Variants in ATG2A observed in about 807,000 individuals in gnomAD.
ATG2A encodes autophagy-related protein 2 homolog A.
In ATG2A, 103 loss-of-function variants were observed where a neutral mutation model predicts 214.2. That is an observed-to-expected ratio of 0.48 (90% CI 0.41 to 0.57). The LOEUF is 0.57. ATG2A is among the 20% of genes least tolerant of loss of function. ATG2A has a pLI of 0.00. For synonymous variants in ATG2A, 1,160 were observed against 1,142.1 expected, an observed-to-expected ratio of 1.02 and a Z score of -0.32; for missense variants, 2,312 against 2,613.2, an observed-to-expected ratio of 0.88 and a Z score of 2.51.
intron 26 of ATG2A, 86 bp from the exon 27 acceptor site, chr11:64,902,766 A>G (rs988106180): frequency 7.3e-5 from 93 of 1,279,996 alleles, no homozygotes; most frequent in Non-Finnish European, 2.0e-5. Flanking sequence ...AGGGCACCGC[A>G]GTTCTGATCC....
In ATG2A at chr11:64,905,750, C is replaced by T. The variant is rs772716714; in HGVS notation, c.3363G>A (p.Val1121=). Residue 1121 remains valine, a synonymous_variant, in exon 23 of 41, where the codon GTG becomes GTA. Transcript: ENST00000377264. ...ILHTHLFSCS[V]DYRPLYLPVR... The stretch of plus-strand genomic sequence containing the variant: ...CCCACCCAGCCTGGTACCTATAGTC[C>T]ACAGAGCAGGAGAACAGGTGTGTGT... 6 of 1,613,860 alleles carry T rather than the reference C, an allele frequency of 3.7e-6. No homozygotes were observed. The highest frequency in any genetic ancestry group is 3.3e-5 in the Admixed American group (2 of 60,004).
intron 31 of ATG2A, among the ~76,000 whole-genome samples, chr11:64,899,345 C>T (rs375725034): frequency 6.6e-6 from 1 of 152,168 alleles, no homozygotes; most frequent in Non-Finnish European, 1.5e-5. Flanking sequence ...ACTTTGCTCT[C>T]GTAGCCCCTC....
At chr11:64,900,832 C>T in intron 30 of ATG2A, 52 bp downstream of exon 30, 1 of 1,528,938 alleles carries the variant, frequency 6.5e-7, no homozygotes, top group Non-Finnish European at 8.8e-7. Flanking sequence ...AGACCTGGAC[C>T]AGCCTGAGCC....
chr11:64,913,422 C>T lies in ATG2A; in HGVS notation c.591-21G>A, dbSNP rs1390356430. 10 of 1,552,298 alleles carry T rather than the reference C, an allele frequency of 6.4e-6. No individual in the cohort carries two copies. Among genetic ancestry groups the T allele is most frequent in the Non-Finnish European group, 7.0e-6 (8 of 1,146,216 alleles). On this transcript the variant is annotated intron_variant, in intron 4 of 40. Transcript: ENST00000377264. This position sits in a 1 kb window ranked among gnomAD's most constrained non-coding sequence, Gnocchi z 4.3. ...CCAGTCTGGAGAGTGTAGGGTCAGC[C>T]CGTGCCCTGGCCACCCCAGGCCTGG...
chr11:64,907,608 G>C lies in ATG2A; in HGVS notation c.2564C>G (p.Pro855Arg). The C allele has an allele frequency of 6.3e-7, 1 of 1,595,600 alleles. No homozygotes were observed. Among genetic ancestry groups the C allele is most frequent in the Middle Eastern group, 1.7e-4 (1 of 6,002 alleles). The change falls in exon 18 of 41, where the codon CCC becomes CGC. Residue 855 changes from proline to arginine, a missense_variant. Physicochemically the swap from Pro to Arg is moderately radical, Grantham distance 103. Coordinates refer to ENST00000377264, the MANE Select transcript of ATG2A (RefSeq NM_015104.3). ...EPADLLPTPD[P>R]AAQPSGFPGP... The stretch of plus-strand genomic sequence containing the variant: ...GGGGAAGCCCGAGGGCTGGGCGGCG[G>C]GGTCGGGGGTGGGAAGCAGATCTGC...
Position 64,901,026 on chromosome 11 carries a change from A to C in ATG2A, c.4186T>G (p.Phe1396Val). 1 of 1,590,044 alleles carries C rather than the reference A, an allele frequency of 6.3e-7. No homozygotes were observed. Among genetic ancestry groups the C allele is most frequent in the Non-Finnish European group, 8.6e-7 (1 of 1,168,230 alleles). Reference protein sequence around the residue: ...PGPIVVRDGYFSRPIGSTDLL... With the variant: ...PGPIVVRDGYVSRPIGSTDLL... ...TCCGTGCTGCCGATCGGCCGTGAGA[A>C]GTAACCGTCCCTCACAACGATGGGG... Residue 1396 changes from phenylalanine (F) to valine (V), a missense_variant, in exon 30 of 41, where the codon TTC becomes GTC. Coordinates refer to ENST00000377264, the MANE Select transcript of ATG2A (RefSeq NM_015104.3).
At position 64,894,772 on chromosome 11, in the gene ATG2A, GAAAAGT is replaced by G; in HGVS notation, c.*195_*200del. 1.3e-6 allele frequency: 1 copy of G among 743,442 alleles called. No homozygotes were observed. The allele number at this position is 743,442 out of a possible 1,614,324, so 46.1% of individuals were successfully genotyped here. A position where few individuals can be genotyped will look rare whatever the true frequency, so the allele number is the denominator to read the frequency against. ...GGGGCAGTGTCCTTTCTCCCCGGAG[GAAAAGT>G]GCAGAGCCAGGGCTAAGGCCCCAAG... On this transcript the variant is annotated 3_prime_UTR_variant, in exon 41 of 41. Transcript: ENST00000377264.
chr11:64,902,494 T>C (rs1176560236), intron 27 of ATG2A, 22 bp downstream of exon 27: 4 of 1,529,618 alleles, frequency 2.6e-6, no homozygotes, highest in Non-Finnish European at 3.5e-6. Context: ...TGGTAGCCTG[T>C]GTGGCCAGGC....
In ATG2A at chr11:64,917,173, G is replaced by T; in HGVS notation, c.-38C>A. The T allele has an allele frequency of 1.3e-6, 2 of 1,552,892 alleles. No homozygotes were observed. The highest frequency in any genetic ancestry group is 8.7e-7 in the Non-Finnish European group (1 of 1,148,906). The stretch of plus-strand genomic sequence containing the variant: ...CGGGCCTGGGCCGCCTCCGCTTGCC[G>T]CCCGCCGGCGATCCCCGTCCGGCTC... On this transcript the variant is annotated 5_prime_UTR_variant, in exon 1 of 41. Transcript: ENST00000377264.
Position 64,900,570 on chromosome 11 carries a change from C to T in ATG2A, c.4388G>A (p.Arg1463Gln), listed in dbSNP as rs780589417. Reference protein sequence around the residue: ...SSPSRCSGPNRPQNSWRTQGG... With the variant: ...SSPSRCSGPNQPQNSWRTQGG... ...CTGCGTGCGCCATGAGTTCTGGGGC[C>T]GGTTGGGGCCAGAGCAGCGGGAAGG... The change falls in exon 31 of 41, where the codon CGG becomes CAG. Residue 1463 changes from arginine (R) to glutamine (Q), a missense_variant. By Grantham distance (43) the Arg-to-Gln change is conservative (BLOSUM62 1). Coordinates refer to ENST00000377264, the MANE Select transcript of ATG2A (RefSeq NM_015104.3). 9.9e-6 allele frequency: 16 copies of T among 1,613,040 alleles called. No homozygotes were observed. Among genetic ancestry groups the T allele is most frequent in the African/African-American group, 4.0e-5 (3 of 74,896 alleles).
At position 64,911,300 on chromosome 11, in the gene ATG2A, G is replaced by T. The variant is rs373686604; in HGVS notation, c.1229-25C>A. The T allele has an allele frequency of 5.5e-5, 89 of 1,608,746 alleles. 1 individual carries two copies. In the African/African-American group the frequency reaches 7.2e-4, roughly 13 times the overall value. ...CCTGAGGGGACAGAGGCTTCAGCAGGGGCTCCCAACAGATTCCGGGTACCC... is the reference window on the plus strand; with the variant it reads ...CCTGAGGGGACAGAGGCTTCAGCAGTGGCTCCCAACAGATTCCGGGTACCC... On this transcript the variant is annotated intron_variant, in intron 9 of 40. Coordinates refer to ENST00000377264, the MANE Select transcript of ATG2A (RefSeq NM_015104.3).
chr11:64,914,289 C>A, intron 2 of ATG2A, 49 bp downstream of exon 2: 1 of 1,557,928 alleles, frequency 6.4e-7, no homozygotes, highest in East Asian at 2.4e-5. Flanking sequence ...CCTGGACGCC[C>A]CAGCCCACTC....
rs984770123 is a variant in ATG2A, at chr11:64,913,530, G to A, written c.591-129C>T. 4.8e-6 allele frequency: 6 copies of A among 1,254,694 alleles called. No individual in the cohort carries two copies. The highest frequency in any genetic ancestry group is 1.5e-5 in the African/African-American group (1 of 66,144). 77.7% of individuals were successfully genotyped at this position (1,254,694 alleles called of 1,614,324 possible). A position where few individuals can be genotyped will look rare whatever the true frequency, so the allele number is the denominator to read the frequency against. On this transcript the variant is annotated intron_variant, in intron 4 of 40. Transcript: ENST00000377264. This position sits in a 1 kb window ranked among gnomAD's most constrained non-coding sequence, Gnocchi z 4.3. ...TGCAGAGCTGCCCCATCACACCTAGGCCGTCCTGAACCACCATGTCCAGCC... is the reference window on the plus strand; with the variant it reads ...TGCAGAGCTGCCCCATCACACCTAGACCGTCCTGAACCACCATGTCCAGCC...
chr11:64,910,186 G>C lies in ATG2A; in HGVS notation c.1717C>G (p.Arg573Gly), dbSNP rs769123334. 1.2e-6 allele frequency: 2 copies of C among 1,601,250 alleles called. No homozygotes were observed. Among genetic ancestry groups the C allele is most frequent in the South Asian group, 2.2e-5 (2 of 89,354 alleles). The stretch of plus-strand genomic sequence containing the variant: ...TGGCAATGGCAGGCAACTGAGCGCC[G>C]GGGTCGGCTCTGAGGGCGAGGGCGT... ...ILRRVPKSRP[R>G]RSVACHCHSE... The change falls in exon 13 of 41, where the codon CGG becomes GGG. Residue 573 changes from arginine to glycine, a missense_variant. Transcript: ENST00000377264.
chr11:64,894,580 A>G lies in ATG2A; in HGVS notation c.*393T>C, dbSNP rs527745375. 1 of 487,876 alleles carries G rather than the reference A, an allele frequency of 2.0e-6. No individual in the cohort carries two copies. Among genetic ancestry groups the G allele is most frequent in the South Asian group, 1.5e-5 (1 of 64,838 alleles). 30.2% of individuals were successfully genotyped at this position (487,876 alleles called of 1,614,324 possible). A position where few individuals can be genotyped will look rare whatever the true frequency, so the allele number is the denominator to read the frequency against. On this transcript the variant is annotated 3_prime_UTR_variant, in exon 41 of 41. Transcript: ENST00000377264. ...GCAGTTTATTCCACTTCATGCAGACACTGACCCACGCACTCACGGAGCTTA... is the reference window on the plus strand; with the variant it reads ...GCAGTTTATTCCACTTCATGCAGACGCTGACCCACGCACTCACGGAGCTTA...
Position 64,900,996 on chromosome 11 carries a change from G to A in ATG2A, c.4216C>T (p.Leu1406=). ...ACTGGGAAATGGGCAGGTGCCCGCA[G>A]CAAGTCCGTGCTGCCGATCGGCCGT... The part of the protein sequence containing the change: ...FSRPIGSTDL[L]RAPAHFPVPS... Residue 1406 remains leucine, a synonymous_variant, in exon 30 of 41, where the codon CTG becomes TTG. Transcript: ENST00000377264. The A allele has an allele frequency of 6.3e-7, 1 of 1,589,664 alleles. No individual in the cohort carries two copies. The highest frequency in any genetic ancestry group is 8.6e-7 in the Non-Finnish European group (1 of 1,168,306).
intron 13 of ATG2A, 23 bp downstream of exon 13, chr11:64,910,017 T>C (rs1296104711): frequency 6.4e-7 from 1 of 1,559,884 alleles, no homozygotes; most frequent in Non-Finnish European, 8.7e-7. Flanking sequence ...ACCCCCGGCC[T>C]GGCCCTGGCA....
In ATG2A at chr11:64,897,760, G is replaced by A. The variant is rs901293590; in HGVS notation, c.4995-17C>T. On this transcript the variant is annotated splice_polypyrimidine_tract_variant and intron_variant, in intron 35 of 40. Transcript: ENST00000377264. The stretch of plus-strand genomic sequence containing the variant: ...CGGAACTCTCTGGGTAGGGGAGCAG[G>A]AAGAGGGGGTTCTTTGCTCACTGGC... The A allele has an allele frequency of 6.2e-7, 1 of 1,614,126 alleles. No homozygotes were observed. The highest frequency in any genetic ancestry group is 1.3e-5 in the African/African-American group (1 of 74,948).
At chr11:64,912,458 C>T (rs971284152) in intron 6 of ATG2A, 35 bp from the exon 7 acceptor site, 192 of 1,514,750 alleles carry the variant, frequency 1.3e-4, no homozygotes, top group Non-Finnish European at 1.6e-4. Flanking sequence ...GAGCCTAGGC[C>T]CACCACCCAG....
Sources: gnomAD v4.1 joint callset for allele counts (sites outside exome capture counted in the v4.1 genomes callset) on GRCh38, gnomAD v4.1.1 for gene constraint, Gnocchi (gnomAD v3.1) non-coding constraint, MANE v1.5 for transcripts, NCBI Gene and HGNC (gene_info 2026-07-23, HGNC 2026-07-21) for gene names.